Variants in XKR4 observed in about 807,000 individuals in gnomAD.
XKR4 encodes XK related 4, also known as XK-related protein 4.
In XKR4, 12 loss-of-function variants were observed where a neutral mutation model predicts 53.9. The ratio of observed to expected loss-of-function variants is 0.22; its 90% confidence interval spans 0.14 to 0.36. The LOEUF is 0.36. Among genes scored for constraint, XKR4 ranks in the 10% least tolerant of loss-of-function variants. The pLI, the probability that XKR4 is intolerant of heterozygous loss-of-function variation, is 1.00. For synonymous variants in XKR4, 354 were observed against 362.4 expected, an observed-to-expected ratio of 0.98 and a Z score of 0.26; for missense variants, 799 against 859.5, an observed-to-expected ratio of 0.93 and a Z score of 0.88.
At chr8:55,267,860 C>T (rs1335998710) in intron 1 of XKR4, among the ~76,000 whole-genome samples, 1 of 152,124 alleles carries the variant, frequency 6.6e-6, no homozygotes, top group South Asian at 2.1e-4. Context: ...TAGAAGTGCT[C>T]TGTAGGAAGA....
At chr8:55,117,464 A>C (rs1816325928) in intron 1 of XKR4, among the ~76,000 whole-genome samples, 1 of 152,130 alleles carries the variant, frequency 6.6e-6, no homozygotes, top group African/African-American at 2.4e-5. Context: ...TGCTGTGCTT[A>C]TTTGGTGGAT....
intron 1 of XKR4, among the ~76,000 whole-genome samples, chr8:55,139,396 C>T (rs917060080): frequency 8.6e-5 from 13 of 151,586 alleles, no homozygotes; most frequent in Non-Finnish European, 1.5e-4. Context: ...TATCTGGATG[C>T]GGTGGCGGCA....
intron 2 of XKR4, among the ~76,000 whole-genome samples, chr8:55,365,999 G>A (rs1803978557): frequency 6.6e-6 from 1 of 152,244 alleles, no homozygotes; most frequent in African/African-American, 2.4e-5. Context: ...TCCGGCTGCG[G>A]AGGGCACAGG....
At chr8:55,338,075 G>GA (rs1206571207) in intron 1 of XKR4, among the ~76,000 whole-genome samples, 1 of 152,008 alleles carries the variant, frequency 6.6e-6, no homozygotes, top group African/African-American at 2.4e-5. Context: ...TGAACAATAA[G>GA]AAAAAAATGT....
chr8:55,503,414 T>C (rs1304897654), intron 2 of XKR4, among the ~76,000 whole-genome samples: 2 of 152,158 alleles, frequency 1.3e-5, no homozygotes, highest in Non-Finnish European at 2.9e-5. Context: ...TTGGTTAATT[T>C]ATAAGTATTT....
At chr8:55,285,714 G>C (rs942406580) in intron 1 of XKR4, among the ~76,000 whole-genome samples, 3 of 152,184 alleles carry the variant, frequency 2.0e-5, no homozygotes, top group Non-Finnish European at 4.4e-5. Context: ...GGATCTCCAA[G>C]TTGTCTGAGT....
intron 2 of XKR4, among the ~76,000 whole-genome samples, chr8:55,500,281 A>T (rs1425282952): frequency 2.0e-5 from 3 of 150,522 alleles, no homozygotes; most frequent in African/African-American, 7.4e-5. Flanking sequence ...TCCTGGCTTT[A>T]TTTTTTCTCC....
rs1174764499 is a variant in XKR4 at position 55,541,475 on chromosome 8, T to C, written c.*17248T>C. 1.3e-5 allele frequency: 2 copies of C among 152,146 alleles called. No homozygotes were observed. Among genetic ancestry groups the C allele is most frequent in the East Asian group, 3.8e-4 (2 of 5,198 alleles). 9.4% of individuals were successfully genotyped at this position (152,146 alleles called of 1,614,324 possible). On this transcript the variant is annotated 3_prime_UTR_variant, in exon 3 of 3. Coordinates refer to ENST00000327381, the MANE Select transcript of XKR4 (RefSeq NM_052898.2). ...CAGCAAATGGAAGAGAATGGACCAG[T>C]AATTTCTCAGTCCCCTGTTGTCAAC...
At chr8:55,495,698 A>T (rs1251450617) in intron 2 of XKR4, among the ~76,000 whole-genome samples, 1 of 152,224 alleles carries the variant, frequency 6.6e-6, no homozygotes, top group Admixed American at 6.5e-5. Context: ...GGCTCTGGGC[A>T]AGGGAGTGGG....
At chr8:55,454,873 C>A (rs1008984864) in intron 2 of XKR4, 2 of 762,790 alleles carry the variant, frequency 2.6e-6, no homozygotes, top group African/African-American at 1.7e-5. Context: ...GCATCCTTAG[C>A]GCGTGTCGTT....
chr8:55,187,627 C>CA (rs1342261769), intron 1 of XKR4, among the ~76,000 whole-genome samples: 1 of 152,132 alleles, frequency 6.6e-6, no homozygotes, highest in Non-Finnish European at 1.5e-5. Context: ...TTATATTTGG[C>CA]AAAAATACCT....
chr8:55,209,729 C>T (rs79232479), intron 1 of XKR4, among the ~76,000 whole-genome samples: 27 of 152,176 alleles, frequency 1.8e-4, no homozygotes, highest in Non-Finnish European at 3.1e-4. Context: ...TCTGCTCTGC[C>T]GGCCAGGAGG....
intron 1 of XKR4, among the ~76,000 whole-genome samples, chr8:55,350,015 C>A (rs1803703364): frequency 6.6e-6 from 1 of 152,094 alleles, no homozygotes; most frequent in South Asian, 2.1e-4. Flanking sequence ...TGTGTGTACA[C>A]ACACACACAT....
intron 1 of XKR4, among the ~76,000 whole-genome samples, chr8:55,282,884 T>G (rs1273096249): frequency 6.6e-6 from 1 of 152,220 alleles, no homozygotes; most frequent in Admixed American, 6.5e-5. Context: ...CATTGTAAAA[T>G]TACTATTGTC....
At chr8:55,447,396 T>C (rs1344180074) in intron 2 of XKR4, among the ~76,000 whole-genome samples, 5 of 152,168 alleles carry the variant, frequency 3.3e-5, no homozygotes, top group Admixed American at 3.3e-4. Context: ...ACGGCTCCCC[T>C]GAGAGGGGAG....
At chr8:55,490,644 C>G (rs1806257701) in intron 2 of XKR4, among the ~76,000 whole-genome samples, 1 of 152,198 alleles carries the variant, frequency 6.6e-6, no homozygotes, top group East Asian at 1.9e-4. Context: ...GTTTCATTGT[C>G]TCCTGGCTTG....
intron 1 of XKR4, among the ~76,000 whole-genome samples, chr8:55,125,555 A>G (rs1370306430): frequency 6.6e-6 from 1 of 152,200 alleles, no homozygotes; most frequent in Non-Finnish European, 1.5e-5. Context: ...TTTCTTCACA[A>G]ACATTGCCCA....
intron 1 of XKR4, among the ~76,000 whole-genome samples, chr8:55,239,197 CT>C (rs1266917421): frequency 6.6e-6 from 1 of 152,116 alleles, no homozygotes; most frequent in Admixed American, 6.5e-5. Context: ...ATATTGGAAC[CT>C]GGAAAACACT....
rs1047018867 is a variant in XKR4 at position 55,351,232 on chromosome 8, A to AT, written c.807-6437dup. 5.8e-3 allele frequency among the ~76,000 whole-genome samples: 878 copies of AT among 151,286 alleles called. 4 individuals carry two copies. Among genetic ancestry groups the AT allele is most frequent in the African/African-American group, 0.018 (726 of 41,280 alleles). Reference sequence around the variant, plus strand: ...CATTCAGGACCTGAAAATAGCTTTTATTTTTTTTTGTCATCCTTGGTTTAT... The same window carrying AT: ...CATTCAGGACCTGAAAATAGCTTTTATTTTTTTTTTGTCATCCTTGGTTTAT... On this transcript the variant is annotated intron_variant, in intron 1 of 2. Transcript: ENST00000327381.
Sources: allele counts gnomAD v4.1 joint callset (sites outside exome capture counted in the v4.1 genomes callset), GRCh38; gene constraint gnomAD v4.1.1; transcripts MANE v1.5; gene names NCBI Gene and HGNC (gene_info 2026-07-23, HGNC 2026-07-21).